Variants in EPHB1 observed in about 807,000 individuals in gnomAD.
EPHB1 encodes EPH receptor B1, also known as ephrin type-B receptor 1.
Under a neutral mutation model 94.4 loss-of-function variants are expected in EPHB1, and 30 were observed. The observed-to-expected ratio is 0.32, with a 90% CI of 0.24 to 0.43. The LOEUF is 0.43. EPHB1 is among the 20% of genes least tolerant of loss of function. EPHB1 has a pLI of 1.00. For missense variants in EPHB1, 1,055 were observed against 1,308.3 expected (o/e 0.81, Z 2.99); for synonymous variants, 522 against 489.1 (o/e 1.07, Z -0.89).
At chr3:135,122,012 A>C (rs1295635472) in intron 4 of EPHB1, among the ~76,000 whole-genome samples, 1 of 152,154 alleles carries the variant, frequency 6.6e-6, no homozygotes, top group Non-Finnish European at 1.5e-5. Flanking sequence ...TTCCCGTAGC[A>C]CAATGCCTGG....
rs1253263104 is a variant in EPHB1 at position 135,033,502 on chromosome 3, G to A, written c.806-72946G>A. Among the ~76,000 whole-genome samples, 7 of 152,286 alleles carry A rather than the reference G, an allele frequency of 4.6e-5. No individual in the cohort carries two copies. In the East Asian group the frequency reaches 1.4e-3, roughly 29 times the overall value. On this transcript the variant is annotated intron_variant, in intron 3 of 15. Transcript: ENST00000398015. ...TGGGGAAATGTTTCAGCTTTCTGGGGCCTGTGGCTGTGAAAAATAAAATGT... is the reference window on the plus strand; with the variant it reads ...TGGGGAAATGTTTCAGCTTTCTGGGACCTGTGGCTGTGAAAAATAAAATGT...
At chr3:134,876,852 T>G (rs1285534015) in intron 1 of EPHB1, among the ~76,000 whole-genome samples, 3 of 151,622 alleles carry the variant, frequency 2.0e-5, no homozygotes, top group Non-Finnish European at 4.4e-5. Flanking sequence ...ACACATTTGG[T>G]TCTAGCAAAC....
chr3:135,241,661 G>A (rs761521117), intron 13 of EPHB1, among the ~76,000 whole-genome samples: 7 of 152,216 alleles, frequency 4.6e-5, no homozygotes, highest in African/African-American at 1.7e-4. Context: ...CCCTGTGAAC[G>A]ACAGAGGGGA....
chr3:134,921,560 T>C (rs2038686734), intron 1 of EPHB1, among the ~76,000 whole-genome samples: 2 of 152,232 alleles, frequency 1.3e-5, no homozygotes, highest in Admixed American at 6.5e-5. Context: ...ATATGCATTG[T>C]TGTATCCCCA....
chr3:134,916,574 T>A (rs2038575017), intron 1 of EPHB1, among the ~76,000 whole-genome samples: 1 of 152,226 alleles, frequency 6.6e-6, no homozygotes, highest in African/African-American at 2.4e-5. Context: ...CTGGGGGACC[T>A]GGCACACCCT....
At chr3:135,079,446 C>T (rs1938079805) in intron 3 of EPHB1, among the ~76,000 whole-genome samples, 1 of 152,180 alleles carries the variant, frequency 6.6e-6, no homozygotes, top group Non-Finnish European at 1.5e-5. Flanking sequence ...TGCCTCCATC[C>T]AACTGGTTCT....
chr3:134,973,425 C>CTTTTTTTTTTT (rs10664147), intron 3 of EPHB1, among the ~76,000 whole-genome samples: 7 of 91,014 alleles, frequency 7.7e-5, no homozygotes, highest in African/African-American at 1.9e-4. Flanking sequence ...GTCTTCTAGT[C>CTTTTTTTTTTT]TTTTTTTTTT....
In EPHB1 at chr3:134,951,270, G is replaced by A; in HGVS notation, c.124-101G>A. The stretch of plus-strand genomic sequence containing the variant: ...TCTGCTGGACTGGTGAGCTCTTAAG[G>A]CCCCTTAGCCCCAGGATTCTCCTCT... On this transcript the variant is annotated intron_variant, in intron 2 of 15. Coordinates refer to ENST00000398015, the MANE Select transcript of EPHB1 (RefSeq NM_004441.5). This position sits in a 1 kb window ranked among gnomAD's most constrained non-coding sequence, Gnocchi z 4.5. 5.7e-6 allele frequency: 6 copies of A among 1,058,048 alleles called. No homozygotes were observed. The highest frequency in any genetic ancestry group is 5.3e-6 in the Non-Finnish European group (4 of 755,384). The allele number at this position is 1,058,048 out of a possible 1,614,324, so 65.5% of individuals were successfully genotyped here.
intron 1 of EPHB1, among the ~76,000 whole-genome samples, chr3:134,914,361 A>G (rs1468200681): frequency 6.6e-6 from 1 of 152,226 alleles, no homozygotes; most frequent in Non-Finnish European, 1.5e-5. Context: ...ACTTCCCACA[A>G]ATGCCTTGTG....
intron 12 of EPHB1, among the ~76,000 whole-genome samples, chr3:135,215,405 C>T (rs570931281): frequency 8.5e-5 from 13 of 152,258 alleles, no homozygotes; most frequent in African/African-American, 2.2e-4. Context: ...TCAGGTAATC[C>T]GCCTGCCTTA....
intron 4 of EPHB1, among the ~76,000 whole-genome samples, chr3:135,113,092 A>G (rs542311060): frequency 4.6e-5 from 7 of 152,314 alleles, no homozygotes; most frequent in Admixed American, 4.6e-4. Context: ...CTTGAGGTGA[A>G]CTTCAGACAA....
At position 134,860,798 on chromosome 3, in the gene EPHB1, C is replaced by CAAAAA. The variant is rs10666494; in HGVS notation, c.59-65002_59-64998dup. Among the ~76,000 whole-genome samples, 882 of 93,572 alleles carry CAAAAA rather than the reference C, an allele frequency of 9.4e-3. 57 individuals are homozygous for CAAAAA. Among genetic ancestry groups the CAAAAA allele is most frequent in the East Asian group, 0.062 (182 of 2,950 alleles). The allele number at this position is 93,572 out of a possible 152,430, so 61.4% of individuals were successfully genotyped here. A position where few individuals can be genotyped will look rare whatever the true frequency, so the allele number is the denominator to read the frequency against. On this transcript the variant is annotated intron_variant, in intron 1 of 15. Transcript: ENST00000398015. ...ACTGCACTCCAGCCTGGCCAGGTGA[C>CAAAAA]AAAAAAAAAAAAAAAAAAAAGATTT...
chr3:134,943,122 T>A (rs1369445159), intron 2 of EPHB1, among the ~76,000 whole-genome samples: 1 of 152,182 alleles, frequency 6.6e-6, no homozygotes, highest in Admixed American at 6.5e-5. Context: ...ACTTTGGGCC[T>A]GGTATTGAAT....
chr3:134,910,478 T>G (rs1200962113), intron 1 of EPHB1, among the ~76,000 whole-genome samples: 1 of 152,194 alleles, frequency 6.6e-6, no homozygotes, highest in South Asian at 2.1e-4. Flanking sequence ...TTGTGAATAT[T>G]TGGGATCTCA....
intron 5 of EPHB1, among the ~76,000 whole-genome samples, chr3:135,135,481 G>A (rs965706072): frequency 9.9e-5 from 15 of 152,274 alleles, no homozygotes; most frequent in Middle Eastern, 3.4e-3. Flanking sequence ...TTTACCAGAG[G>A]TGGACAAGAG....
chr3:135,165,152 C>T (rs1356968032), intron 7 of EPHB1, among the ~76,000 whole-genome samples: 1 of 151,972 alleles, frequency 6.6e-6, no homozygotes, highest in Non-Finnish European at 1.5e-5. Flanking sequence ...GCCAGCTGGC[C>T]CAAATTATTT....
intron 3 of EPHB1, among the ~76,000 whole-genome samples, chr3:134,985,268 C>T (rs939934180): frequency 6.6e-6 from 1 of 152,160 alleles, no homozygotes; most frequent in Non-Finnish European, 1.5e-5. Context: ...ATTCTCCTGC[C>T]TCAGCCTCCC....
intron 12 of EPHB1, among the ~76,000 whole-genome samples, chr3:135,217,495 T>C (rs1943180330): frequency 6.6e-6 from 1 of 150,622 alleles, no homozygotes. Context: ...GAGAGAGAGA[T>C]GTGTGTAGTG....
At chr3:135,150,228 G>A (rs1281786695) in intron 5 of EPHB1, among the ~76,000 whole-genome samples, 3 of 152,248 alleles carry the variant, frequency 2.0e-5, no homozygotes, top group Non-Finnish European at 4.4e-5. Context: ...CTGAAGTCCT[G>A]TATGAAACTG....
Sources: allele counts gnomAD v4.1 joint callset (sites outside exome capture counted in the v4.1 genomes callset), GRCh38; gene constraint gnomAD v4.1.1; non-coding constraint Gnocchi (gnomAD v3.1); transcripts MANE v1.5; gene names NCBI Gene and HGNC (gene_info 2026-07-23, HGNC 2026-07-21).